ANGPT4: variants seen among roughly 807,000 people sequenced by gnomAD.
The protein encoded by ANGPT4 is angiopoietin 4, also known as angiopoietin-4.
Under a neutral mutation model 53.0 loss-of-function variants are expected in ANGPT4, and 50 were observed. That is an observed-to-expected ratio of 0.94 (90% CI 0.75 to 1.20). ANGPT4 has a LOEUF of 1.20. Among genes scored for constraint, ANGPT4 ranks in the 50% most tolerant of loss-of-function variants. The pLI is 0.00. For synonymous variants in ANGPT4, 251 were observed against 259.7 expected, an observed-to-expected ratio of 0.97 and a Z score of 0.32; for missense variants, 648 against 637.1, an observed-to-expected ratio of 1.02 and a Z score of -0.18.
chr20:873,963 C>T (rs906399232), intron 8 of ANGPT4, among the ~76,000 whole-genome samples: 20 of 152,288 alleles, frequency 1.3e-4, no homozygotes, highest in Non-Finnish European at 1.5e-4. Context: ...GATCCTGGTT[C>T]GGCTTGCCTG....
In ANGPT4 at chr20:872,351, A is replaced by G. The variant is rs1980974056; in HGVS notation, c.*609T>C. 6.6e-6 allele frequency: 1 copy of G among 152,224 alleles called. No homozygotes were observed. 9.4% of individuals were successfully genotyped at this position (152,224 alleles called of 1,614,324 possible). ...TGGAGCCTAGAAGTGGTGAAGTGGT[A>G]AAGCCTAGAAGTGGTGAAGTCTAAA... On this transcript the variant is annotated 3_prime_UTR_variant, in exon 9 of 9. Coordinates refer to ENST00000381922, the MANE Select transcript of ANGPT4 (RefSeq NM_015985.4).
intron 6 of ANGPT4, 50 bp from the exon 7 acceptor site, chr20:878,377 G>T: frequency 2.6e-6 from 4 of 1,548,206 alleles, no homozygotes; most frequent in Non-Finnish European, 3.5e-6. Context: ...AGGAGGCCAT[G>T]TCCCTGGCTG....
chr20:876,986 G>A (rs1426459544), intron 7 of ANGPT4, among the ~76,000 whole-genome samples: 2 of 152,100 alleles, frequency 1.3e-5, no homozygotes, highest in Non-Finnish European at 2.9e-5. Flanking sequence ...GGTCTGGGAG[G>A]TCAAGGCTAC....
intron 2 of ANGPT4, 33 bp downstream of exon 2, chr20:890,180 G>T: frequency 6.2e-7 from 1 of 1,601,948 alleles, no homozygotes. Flanking sequence ...CCAGCCACAG[G>T]CCCTCAGTGC....
Position 878,173 on chromosome 20 carries a change from T to G in ANGPT4, c.1208A>C (p.Asn403Thr), listed in dbSNP as rs769350254. The change falls in exon 7 of 9, where the codon AAC becomes ACC. Residue 403 changes from asparagine (N) to threonine (T), a missense_variant. By Grantham distance (65) the Asn-to-Thr change is moderately conservative (BLOSUM62 0). Coordinates refer to ENST00000381922, the MANE Select transcript of ANGPT4 (RefSeq NM_015985.4). ...GCCCCGAACCCACCTGTATAGCTGG[T>G]TCTCACTGCCCAGGTGGAAATGTTC... is the stretch of plus-strand genomic sequence containing the variant. ...QYEHFHLGSE[N>T]QLYRLSVVGY... is the part of the protein sequence containing the mutation. 1.3e-6 allele frequency: 2 copies of G among 1,597,762 alleles called. No individual in the cohort carries two copies. Among genetic ancestry groups the G allele is most frequent in the East Asian group, 2.3e-5 (1 of 44,426 alleles).
At chr20:890,082 C>G in intron 2 of ANGPT4, 131 bp downstream of exon 2, 1 of 1,127,748 alleles carries the variant, frequency 8.9e-7, no homozygotes, top group Non-Finnish European at 1.2e-6. Context: ...GGAGGAGGGA[C>G]CCGGGGGGCT....
At chr20:915,793 C>T in intron 1 of ANGPT4, 113 bp downstream of exon 1, 1 of 1,338,568 alleles carries the variant, frequency 7.5e-7, no homozygotes, top group Non-Finnish European at 1.0e-6. Context: ...TTGTGCAGCT[C>T]AGAGACAGCC....
At chr20:878,734 A>G (rs1357859137) in intron 6 of ANGPT4, among the ~76,000 whole-genome samples, 2 of 152,216 alleles carry the variant, frequency 1.3e-5, no homozygotes, top group African/African-American at 2.4e-5. Context: ...TGAGCCTTAC[A>G]CTTTATTTGT....
At chr20:900,575 C>A (rs1204907755) in intron 1 of ANGPT4, among the ~76,000 whole-genome samples, 1 of 152,144 alleles carries the variant, frequency 6.6e-6, no homozygotes, top group East Asian at 1.9e-4. Flanking sequence ...CCGAAGAGTT[C>A]CCTGTTCCCC....
At chr20:892,788 T>TC (rs1412480537) in intron 1 of ANGPT4, among the ~76,000 whole-genome samples, 1 of 152,032 alleles carries the variant, frequency 6.6e-6, no homozygotes, top group Non-Finnish European at 1.5e-5. Context: ...TCCTCCCACC[T>TC]CCCAAATAGC....
intron 1 of ANGPT4, among the ~76,000 whole-genome samples, chr20:905,299 C>T (rs1229371190): frequency 6.6e-6 from 1 of 152,112 alleles, no homozygotes; most frequent in African/African-American, 2.4e-5. Context: ...GTTTGTCTGC[C>T]CTGTTCATGA....
intron 3 of ANGPT4, among the ~76,000 whole-genome samples, chr20:887,436 G>A (rs1309507083): frequency 6.6e-6 from 1 of 152,160 alleles, no homozygotes; most frequent in African/African-American, 2.4e-5. Context: ...AGAGCTGGGG[G>A]ATCTTATGGC....
chr20:879,674 T>C lies in ANGPT4; in HGVS notation c.1053+73A>G. ...TGGGGGAGGAATGAGGGCAAAGCAG[T>C]CCCCTTCCAACAGCCCAGCCCCAGC... On this transcript the variant is annotated intron_variant, in intron 6 of 8. Transcript: ENST00000381922. 3 of 1,313,134 alleles carry C rather than the reference T, an allele frequency of 2.3e-6. No individual in the cohort carries two copies. The South Asian group carries it at 4.1e-5, about 18-fold the overall frequency. The allele number at this position is 1,313,134 out of a possible 1,614,324, so 81.3% of individuals were successfully genotyped here.
chr20:874,561 G>A, intron 7 of ANGPT4, 147 bp from the exon 8 acceptor site: 1 of 1,168,796 alleles, frequency 8.6e-7, no homozygotes, highest in East Asian at 2.6e-5. Flanking sequence ...TGGGTGGAGT[G>A]CTTGGGCTGT....
In ANGPT4 at chr20:874,315, A is replaced by G. The variant is rs556996275; in HGVS notation, c.1320T>C (p.Cys440=). The stretch of plus-strand genomic sequence containing the variant: ...ACATCACTTGGGCACACTTGCAGAG[A>G]CAGTGGTCGTTGTCTGAGTCAAGGG... The part of the protein sequence containing the change: ...FSTLDSDNDH[C]LCKCAQVMSG... Residue 440 remains cysteine (C), a synonymous_variant, in exon 8 of 9, where the codon TGT becomes TGC. Coordinates refer to ENST00000381922, the MANE Select transcript of ANGPT4 (RefSeq NM_015985.4). The G allele has an allele frequency of 1.2e-6, 2 of 1,614,196 alleles. No individual in the cohort carries two copies. The highest frequency in any genetic ancestry group is 1.3e-5 in the African/African-American group (1 of 75,058).
At chr20:881,368 G>C in intron 4 of ANGPT4, 82 bp from the exon 5 acceptor site, 1 of 1,296,796 alleles carries the variant, frequency 7.7e-7, no homozygotes, top group Admixed American at 1.8e-5. Context: ...TGCCTGCTTT[G>C]TGCCAGGTTC....
chr20:871,862 G>A lies in ANGPT4; in HGVS notation c.*1098C>T, dbSNP rs949327490. 1.3e-5 allele frequency: 2 copies of A among 152,212 alleles called. No individual in the cohort carries two copies. Among genetic ancestry groups the A allele is most frequent in the Non-Finnish European group, 2.9e-5 (2 of 68,050 alleles). The allele number at this position is 152,212 out of a possible 1,614,324, so 9.4% of individuals were successfully genotyped here. A position where few individuals can be genotyped will look rare whatever the true frequency, so the allele number is the denominator to read the frequency against. On this transcript the variant is annotated 3_prime_UTR_variant, in exon 9 of 9. Coordinates refer to ENST00000381922, the MANE Select transcript of ANGPT4 (RefSeq NM_015985.4). Reference sequence around the variant, plus strand: ...AGACCCTTCTTCAGGGATGGTATCTGTTTTAACTGAAAGGTTATTTCCAGT... The same window carrying A: ...AGACCCTTCTTCAGGGATGGTATCTATTTTAACTGAAAGGTTATTTCCAGT...
At chr20:910,611 G>A (rs908914881) in intron 1 of ANGPT4, among the ~76,000 whole-genome samples, 3 of 152,134 alleles carry the variant, frequency 2.0e-5, no homozygotes, top group Non-Finnish European at 2.9e-5. Flanking sequence ...GGCAGACCTG[G>A]GGCCCGTTTT....
chr20:890,979 A>G (rs558402779), intron 1 of ANGPT4, among the ~76,000 whole-genome samples: 1 of 152,094 alleles, frequency 6.6e-6, no homozygotes, highest in East Asian at 1.9e-4. Context: ...TAAAATCACT[A>G]TCTCTCTTTT....
Sources: gnomAD v4.1 joint callset for allele counts (sites outside exome capture counted in the v4.1 genomes callset) on GRCh38, gnomAD v4.1.1 for gene constraint, MANE v1.5 for transcripts, NCBI Gene and HGNC (gene_info 2026-07-23, HGNC 2026-07-21) for gene names.